The following IL1RAPL2 variants were observed in gnomAD, a reference collection of about 807,000 sequenced individuals.
IL1RAPL2 encodes the protein X-linked interleukin-1 receptor accessory protein-like 2.
IL1RAPL2 carries 3 observed loss-of-function variants against 44.1 expected under a neutral mutation model. The ratio of observed to expected loss-of-function variants is 0.07; its 90% CI spans 0.03 to 0.18. The LOEUF is 0.18. Ranked by LOEUF, IL1RAPL2 falls within the 10% of genes least tolerant of loss-of-function variation. The probability of loss-of-function intolerance (pLI) is 1.00; values close to 1 mark genes in which losing one functional copy is unlikely to be tolerated. For missense variants in IL1RAPL2, 391 were observed against 496.4 expected, an observed-to-expected ratio of 0.79 and a Z score of 2.02; for synonymous variants, 181 against 178.8, an observed-to-expected ratio of 1.01 and a Z score of -0.10.
chrX:105,447,137 GAATATAAATATATATA>G (rs2035965509), intron 5 of IL1RAPL2, among the ~76,000 whole-genome samples: 2 of 25,272 alleles, frequency 7.9e-5, no homozygotes, highest in African/African-American at 2.7e-4. Flanking sequence ...ATATATATAT[GAATATAAATATATATA>G]AATATAAATA....
At position 104,818,911 on chromosome X, in the gene IL1RAPL2, G is replaced by C. The variant is rs141320284; in HGVS notation, c.82+159916G>C. 3.5e-3 allele frequency among the ~76,000 whole-genome samples: 396 copies of C among 112,173 alleles called. 1 individual carries two copies. The highest frequency in any genetic ancestry group is 0.012 in the African/African-American group (369 of 30,900). On this transcript the variant is annotated intron_variant, in intron 2 of 10. Transcript: ENST00000372582. ...ACTTCCTATATTTCTATGAGATAAA[G>C]TACATAGCACAATGCCTGGCATATA...
intron 2 of IL1RAPL2, among the ~76,000 whole-genome samples, chrX:104,737,765 TG>T (rs1932040089): frequency 8.9e-6 from 1 of 111,982 alleles, no homozygotes; most frequent in Non-Finnish European, 1.9e-5. Context: ...AGAGCCTATG[TG>T]TTCATGAATC....
intron 2 of IL1RAPL2, among the ~76,000 whole-genome samples, chrX:104,920,547 C>T (rs903449223): frequency 9.8e-6 from 1 of 102,166 alleles, no homozygotes; most frequent in Non-Finnish European, 2.0e-5. Flanking sequence ...CTCTCTTGCT[C>T]CTGCTTTCAT....
At chrX:105,327,866 T>C (rs1050500039) in intron 5 of IL1RAPL2, among the ~76,000 whole-genome samples, 2 of 111,994 alleles carry the variant, frequency 1.8e-5, no homozygotes, top group Non-Finnish European at 3.8e-5. Flanking sequence ...CTTTTTTATG[T>C]AAGTAGTAAT....
At position 105,202,007 on chromosome X, in the gene IL1RAPL2, T is replaced by C. The variant is rs187901120; in HGVS notation, c.356+6259T>C. On this transcript the variant is annotated intron_variant, in intron 3 of 10. Transcript: ENST00000372582. ...CTGATTCCATTATTTTTATGGCAAT[T>C]TGATAATCTACTTGTTAATAAAATT... 2.5e-3 allele frequency among the ~76,000 whole-genome samples: 283 copies of C among 112,161 alleles called. 2 individuals carry two copies. The highest frequency in any genetic ancestry group is 9.0e-3 in the African/African-American group (278 of 30,935).
intron 2 of IL1RAPL2, among the ~76,000 whole-genome samples, chrX:105,063,318 A>G (rs1320539440): frequency 8.9e-6 from 1 of 112,419 alleles, no homozygotes; most frequent in African/African-American, 3.2e-5. Context: ...TCTCTGTGTT[A>G]TTGTGAATTT....
rs569724679 is a variant in IL1RAPL2 at position 104,912,689 on chromosome X, C to T, written c.82+253694C>T. Among the ~76,000 whole-genome samples, 13 of 111,697 alleles carry T rather than the reference C, an allele frequency of 1.2e-4. No homozygotes were observed. In the South Asian group the frequency reaches 4.9e-3, roughly 42 times the overall value. On this transcript the variant is annotated intron_variant, in intron 2 of 10. Coordinates refer to ENST00000372582, the MANE Select transcript of IL1RAPL2 (RefSeq NM_017416.2). ...AAGGCCAAGCATGCTGAGCTGATGA[C>T]ATTAACTTATCCTAAATAAGTCTCA...
At chrX:105,561,738 C>T (rs888508646) in intron 6 of IL1RAPL2, among the ~76,000 whole-genome samples, 3 of 111,957 alleles carry the variant, frequency 2.7e-5, no homozygotes, top group East Asian at 2.8e-4. Flanking sequence ...CTGGCTTATT[C>T]CCTGAGCAAA....
chrX:104,784,268 G>A (rs1022327556), intron 2 of IL1RAPL2, among the ~76,000 whole-genome samples: 3 of 112,014 alleles, frequency 2.7e-5, no homozygotes, highest in Non-Finnish European at 5.6e-5. Context: ...GTTATAATGG[G>A]GTTATTCCAC....
chrX:105,422,912 A>T (rs2035783053), intron 5 of IL1RAPL2, among the ~76,000 whole-genome samples: 1 of 111,106 alleles, frequency 9.0e-6, no homozygotes, highest in African/African-American at 3.3e-5. Context: ...ACCACCTTCT[A>T]AAGAGGACCA....
chrX:104,928,738 A>G (rs1241167309), intron 2 of IL1RAPL2, among the ~76,000 whole-genome samples: 2 of 111,096 alleles, frequency 1.8e-5, no homozygotes, highest in Non-Finnish European at 3.8e-5. Flanking sequence ...CTAAACATGT[A>G]CTACGTGATG....
In IL1RAPL2 at chrX:104,617,290, C is replaced by T. The variant is rs555298541; in HGVS notation, c.-19-41605C>T. On this transcript the variant is annotated intron_variant, in intron 1 of 10. Transcript: ENST00000372582. Reference sequence around the variant, plus strand: ...AGTGACCTGTCTCTTCTCTAGCCATCTTTAAGATTTTTTCTTTAGCATTGA... The same window carrying T: ...AGTGACCTGTCTCTTCTCTAGCCATTTTTAAGATTTTTTCTTTAGCATTGA... Among the ~76,000 whole-genome samples the T allele has an allele frequency of 3.6e-5, 4 of 112,016 alleles. No individual in the cohort carries two copies. In the South Asian group the frequency reaches 1.1e-3, roughly 32 times the overall value.
At chrX:105,610,961 C>A (rs772694380) in intron 6 of IL1RAPL2, among the ~76,000 whole-genome samples, 1 of 111,770 alleles carries the variant, frequency 8.9e-6, no homozygotes, top group East Asian at 2.8e-4. Flanking sequence ...GAAGTGAAAT[C>A]TTCACATGTG....
At chrX:105,524,644 G>T (rs1011443964) in intron 6 of IL1RAPL2, among the ~76,000 whole-genome samples, 1 of 109,822 alleles carries the variant, frequency 9.1e-6, no homozygotes, top group Non-Finnish European at 1.9e-5. Flanking sequence ...TTCATTATTT[G>T]CTCTACAAAA....
At chrX:104,801,772 CT>C (rs1000698218) in intron 2 of IL1RAPL2, among the ~76,000 whole-genome samples, 3 of 111,592 alleles carry the variant, frequency 2.7e-5, no homozygotes, top group Non-Finnish European at 5.6e-5. Context: ...CTATCCAAGC[CT>C]TTCTTTATAG....
chrX:104,914,084 G>T (rs1419997335), intron 2 of IL1RAPL2, among the ~76,000 whole-genome samples: 2 of 111,798 alleles, frequency 1.8e-5, no homozygotes, highest in Non-Finnish European at 3.8e-5. Context: ...AGATCACTTT[G>T]TAGGGGGAGT....
chrX:105,392,861 C>A (rs781410563), intron 5 of IL1RAPL2, among the ~76,000 whole-genome samples: 38 of 112,475 alleles, frequency 3.4e-4, no homozygotes, highest in African/African-American at 8.7e-4. Flanking sequence ...CTTTAATAGA[C>A]CCCCTTTTCA....
intron 5 of IL1RAPL2, among the ~76,000 whole-genome samples, chrX:105,367,874 A>G (rs964093002): frequency 1.8e-5 from 2 of 111,439 alleles, no homozygotes; most frequent in Non-Finnish European, 3.8e-5. Flanking sequence ...CTACTTAGCA[A>G]CATTTTCCAT....
intron 2 of IL1RAPL2, among the ~76,000 whole-genome samples, chrX:105,009,294 G>A (rs1367147889): frequency 9.0e-6 from 1 of 110,851 alleles, no homozygotes; most frequent in African/African-American, 3.3e-5. Flanking sequence ...AAAGACACAT[G>A]CACACATATG....
Sources: allele counts gnomAD v4.1 joint callset (sites outside exome capture counted in the v4.1 genomes callset), GRCh38; gene constraint gnomAD v4.1.1; transcripts MANE v1.5; gene names NCBI Gene and HGNC (gene_info 2026-07-23, HGNC 2026-07-21).